RABGAP1: variants seen among roughly 807,000 people sequenced by gnomAD.
RABGAP1 encodes rab GTPase-activating protein 1.
Under a neutral mutation model 137.6 loss-of-function variants are expected in RABGAP1, and 23 were observed. The ratio of observed to expected loss-of-function variants is 0.17; its 90% CI spans 0.12 to 0.24. The LOEUF (loss-of-function observed/expected upper bound fraction) is 0.24, where lower values mean the gene tolerates loss of function less well. Among genes scored for constraint, RABGAP1 ranks in the 10% least tolerant of loss-of-function variants. The pLI, the probability that RABGAP1 is intolerant of heterozygous loss-of-function variation, is 1.00. For synonymous variants in RABGAP1, 451 were observed against 450.7 expected (o/e 1.00, Z -0.01); for missense variants, 906 against 1,275.8 (o/e 0.71, Z 4.42).
intron 6 of RABGAP1, among the ~76,000 whole-genome samples, chr9:122,994,994 G>T (rs963615472): frequency 6.6e-6 from 1 of 152,124 alleles, no homozygotes; most frequent in Non-Finnish European, 1.5e-5. Flanking sequence ...GCATGTACCT[G>T]TAATCCTAGG....
intron 13 of RABGAP1, among the ~76,000 whole-genome samples, chr9:123,053,361 A>G (rs891344288): frequency 1.3e-5 from 2 of 152,202 alleles, no homozygotes; most frequent in Non-Finnish European, 2.9e-5. Context: ...TGAAATGACA[A>G]ATGACATGAG....
chr9:123,005,856 G>A (rs966312190), intron 10 of RABGAP1, among the ~76,000 whole-genome samples: 39 of 152,328 alleles, frequency 2.6e-4, no homozygotes, highest in African/African-American at 8.9e-4. Context: ...TGTAGAAGGT[G>A]TAACCATGGA....
chr9:122,986,996 G>A lies in RABGAP1; in HGVS notation c.590+577G>A, dbSNP rs533289480. Reference sequence around the variant, plus strand: ...TACAAAACATACAAAAATTAGCCACGCATGGTCATACACACCTATAGTCCC... The same window carrying A: ...TACAAAACATACAAAAATTAGCCACACATGGTCATACACACCTATAGTCCC... On this transcript the variant is annotated intron_variant, in intron 4 of 25. Transcript: ENST00000373647. Among the ~76,000 whole-genome samples the A allele has an allele frequency of 5.3e-5, 8 of 152,110 alleles. No individual in the cohort carries two copies. The South Asian group carries it at 6.2e-4, about 12-fold the overall frequency.
intron 13 of RABGAP1, among the ~76,000 whole-genome samples, chr9:123,037,861 G>A (rs571182762): frequency 6.6e-6 from 1 of 152,148 alleles, no homozygotes; most frequent in East Asian, 1.9e-4. Flanking sequence ...CATATTTAAT[G>A]CAACATTTGA....
chr9:122,934,022 A>C, the RABGAP1 span, among the ~76,000 whole-genome samples: 1 of 151,684 alleles, frequency 6.6e-6, no homozygotes, highest in South Asian at 2.1e-4. Context: ...TGGTCTCCCA[A>C]AGTACTGCGG....
At chr9:123,005,288 A>G (rs1588254579) in intron 10 of RABGAP1, among the ~76,000 whole-genome samples, 1 of 146,686 alleles carries the variant, frequency 6.8e-6, no homozygotes, top group African/African-American at 2.5e-5. Flanking sequence ...GGGGCTTGGG[A>G]TTTTTTTTTT....
At chr9:122,956,914 T>TA (rs933578068) in intron 1 of RABGAP1, 97 bp from the exon 2 acceptor site, 108 of 599,008 alleles carry the variant, frequency 1.8e-4, no homozygotes, top group Middle Eastern at 4.5e-4. Flanking sequence ...TTGAAGCATT[T>TA]AAAAAAAAAT....
chr9:122,933,597 C>T, the RABGAP1 span, among the ~76,000 whole-genome samples: 5 of 151,610 alleles, frequency 3.3e-5, no homozygotes, highest in African/African-American at 4.8e-5. Flanking sequence ...GGATTATGGG[C>T]GCCTGCCACC....
intron 19 of RABGAP1, among the ~76,000 whole-genome samples, chr9:123,078,893 C>T (rs1321657930): frequency 6.6e-6 from 1 of 152,198 alleles, no homozygotes; most frequent in Non-Finnish European, 1.5e-5. Context: ...CTCCCTGGCT[C>T]TTCTCTATCG....
intron 19 of RABGAP1, among the ~76,000 whole-genome samples, chr9:123,088,042 CT>C (rs553939021): frequency 2.0e-3 from 291 of 144,068 alleles, no homozygotes; most frequent in Middle Eastern, 7.0e-3. Flanking sequence ...GTTTCATATT[CT>C]TTTTTTTTTT....
At chr9:122,972,641 A>C (rs1835529127) in intron 2 of RABGAP1, among the ~76,000 whole-genome samples, 1 of 152,148 alleles carries the variant, frequency 6.6e-6, no homozygotes, top group African/African-American at 2.4e-5. Context: ...GGTGCTGTAG[A>C]GATTCTCTGG....
chr9:122,960,142 T>C (rs894091734), intron 2 of RABGAP1, among the ~76,000 whole-genome samples: 2 of 152,316 alleles, frequency 1.3e-5, no homozygotes, highest in African/African-American at 2.4e-5. Flanking sequence ...GGCTTGACTA[T>C]AGATGTGCTC....
chr9:123,008,077 C>T (rs1564128417), intron 10 of RABGAP1, among the ~76,000 whole-genome samples: 1 of 151,674 alleles, frequency 6.6e-6, no homozygotes, highest in Non-Finnish European at 1.5e-5. Context: ...AATAGTATAA[C>T]GAATCCCCAT....
chr9:123,062,225 TCCATTGTACTCCAG>T (rs1163587232), intron 13 of RABGAP1: 1 of 152,208 alleles, frequency 6.6e-6, no homozygotes, highest in African/African-American at 2.4e-5. Flanking sequence ...CCAAGATTGC[TCCATTGTACTCCAG>T]CCTGGGCGAC....
At chr9:123,034,506 T>C in intron 13 of RABGAP1, 1 of 1,064,076 alleles carries the variant, frequency 9.4e-7, no homozygotes, top group Admixed American at 2.1e-5. Flanking sequence ...CAGCTGCTTC[T>C]TTGAACTGTT....
Position 122,990,091 on chromosome 9 carries a change from C to T in RABGAP1, c.801C>T (p.Phe267=). ...SRILYSFATA[F]RRSAKQTPLS... is the part of the protein sequence containing the mutation. ...TACTTTACAGTTTTGCCACTGCCTT[C>T]CGCCGTTCTGCCAAGCAGACCCCAC... Residue 267 remains phenylalanine (F), a synonymous_variant, in exon 6 of 26, where the codon TTC becomes TTT. Coordinates refer to ENST00000373647, the MANE Select transcript of RABGAP1 (RefSeq NM_012197.4). 6.2e-7 allele frequency: 1 copy of T among 1,610,912 alleles called. No homozygotes were observed. Among genetic ancestry groups the T allele is most frequent in the Non-Finnish European group, 8.5e-7 (1 of 1,177,344 alleles).
intron 2 of RABGAP1, among the ~76,000 whole-genome samples, chr9:122,958,558 G>T (rs1036568724): frequency 1.3e-5 from 2 of 152,086 alleles, no homozygotes; most frequent in Non-Finnish European, 2.9e-5. Context: ...GGGGGGAGCA[G>T]GGAGGGATAG....
chr9:123,009,342 AATTT>A (rs2030593214), intron 10 of RABGAP1, among the ~76,000 whole-genome samples: 1 of 152,214 alleles, frequency 6.6e-6, no homozygotes, highest in South Asian at 2.1e-4. Flanking sequence ...TGATAGGGTT[AATTT>A]ATTTTAAGAA....
chr9:123,033,791 C>G (rs1348142708), intron 13 of RABGAP1: 1 of 152,180 alleles, frequency 6.6e-6, no homozygotes, highest in African/African-American at 2.4e-5. Flanking sequence ...GAAATGTTTT[C>G]AAAGAGGCAA....
Sources: allele counts gnomAD v4.1 joint callset (sites outside exome capture counted in the v4.1 genomes callset), GRCh38; gene constraint gnomAD v4.1.1; transcripts MANE v1.5; gene names NCBI Gene and HGNC (gene_info 2026-07-23, HGNC 2026-07-21).